Variants in CELSR1 observed in about 807,000 individuals in gnomAD.
The protein encoded by CELSR1 is adhesion G protein-coupled receptor C1.
A neutral mutation model predicts 249.1 loss-of-function variants in CELSR1; 110 were observed. The ratio of observed to expected loss-of-function variants is 0.44; its 90% CI spans 0.38 to 0.52. The LOEUF (loss-of-function observed/expected upper bound fraction) is 0.52, where lower values mean the gene tolerates loss of function less well. Among genes scored for constraint, CELSR1 ranks in the 20% least tolerant of loss-of-function variants. The pLI is 0.00. For missense variants in CELSR1, 4,109 were observed against 4,296.4 expected, an observed-to-expected ratio of 0.96 and a Z score of 1.22; for synonymous variants, 2,113 against 1,900.0, an observed-to-expected ratio of 1.11 and a Z score of -2.92.
intron 1 of CELSR1, among the ~76,000 whole-genome samples, chr22:46,504,414 C>T (rs111655615): frequency 0.017 from 2,562 of 149,688 alleles, 78 homozygotes; most frequent in African/African-American, 0.061. Flanking sequence ...CTTGGGAGGC[C>T]GAGGCAGGAG....
intron 1 of CELSR1, among the ~76,000 whole-genome samples, chr22:46,528,368 G>A (rs898717686): frequency 6.6e-6 from 1 of 152,158 alleles, no homozygotes; most frequent in South Asian, 2.1e-4. Context: ...CCGAGTTTCA[G>A]TATTTTCTGA....
intron 13 of CELSR1, 60 bp from the exon 14 acceptor site, chr22:46,394,322 A>G: frequency 6.4e-7 from 1 of 1,564,638 alleles, no homozygotes; most frequent in Non-Finnish European, 8.6e-7. Context: ...CTGGAATGAG[A>G]AGAGGCCTGC....
In CELSR1 at chr22:46,364,123, C is replaced by T. The variant is rs1423188178; in HGVS notation, c.8908G>A (p.Gly2970Ser). The change falls in exon 34 of 35, where the codon GGC becomes AGC. Residue 2970 changes from glycine (G) to serine (S), a missense_variant. By Grantham distance (56) the Gly-to-Ser change is moderately conservative (BLOSUM62 0). This residue lies in a region of CELSR1 where 1,805 missense variants were observed against 1,831.6 expected (regional missense o/e 0.99). Transcript: ENST00000674500. Reference protein sequence around the residue: ...SPTSSRTSSLGSGGPDCAITV... With the variant: ...SPTSSRTSSLSSGGPDCAITV... Reference sequence around the variant, plus strand: ...ATGGCGCAGTCGGGGCCGCCAGAGCCCAGGGAAGACGTGCGCGAGGATGTG... The same window carrying T: ...ATGGCGCAGTCGGGGCCGCCAGAGCTCAGGGAAGACGTGCGCGAGGATGTG... The T allele has an allele frequency of 6.2e-7, 1 of 1,612,198 alleles. No individual in the cohort carries two copies. The highest frequency in any genetic ancestry group is 8.5e-7 in the Non-Finnish European group (1 of 1,179,702).
chr22:46,442,045 G>A (rs1040889495), intron 2 of CELSR1, among the ~76,000 whole-genome samples: 3 of 152,214 alleles, frequency 2.0e-5, no homozygotes, highest in Admixed American at 1.3e-4. Context: ...CTACTCGGGA[G>A]GCTGAGGCAG....
chr22:46,403,335 T>A (rs924846022), intron 9 of CELSR1, among the ~76,000 whole-genome samples: 1 of 148,742 alleles, frequency 6.7e-6, no homozygotes, highest in East Asian at 2.0e-4. Flanking sequence ...GATCACAAGG[T>A]CAGGAGATCG....
In CELSR1 at chr22:46,377,023, C is replaced by T. The variant is rs777693550; in HGVS notation, c.7584+38G>A. The T allele has an allele frequency of 1.1e-5, 17 of 1,601,900 alleles. No homozygotes were observed. The East Asian group carries it at 2.2e-4, about 21-fold the overall frequency. ...GGACTATGGTAGCTGCTCCAAGCTG[C>T]GGCCCAGACAGTGGGGAGGGGAGCA... On this transcript the variant is annotated intron_variant, in intron 24 of 34. Transcript: ENST00000674500.
chr22:46,528,108 A>G (rs1326709904), intron 1 of CELSR1, among the ~76,000 whole-genome samples: 1 of 151,850 alleles, frequency 6.6e-6, no homozygotes, highest in African/African-American at 2.4e-5. Flanking sequence ...CTCAAAAAAA[A>G]AAAAAAAAAG....
intron 18 of CELSR1, among the ~76,000 whole-genome samples, chr22:46,388,513 T>A (rs1386153903): frequency 7.0e-6 from 1 of 142,316 alleles, no homozygotes; most frequent in African/African-American, 2.5e-5. Flanking sequence ...GAAGGTTCCA[T>A]GGGGGCCCTG....
chr22:46,401,077 G>A lies in CELSR1; in HGVS notation c.5227-1175C>T, dbSNP rs1482520939. On this transcript the variant is annotated intron_variant, in intron 9 of 34. Transcript: ENST00000674500. This position sits in a 1 kb window ranked among gnomAD's most constrained non-coding sequence, Gnocchi z 4.7. Reference sequence around the variant, plus strand: ...TTCATGGAGGTCAAGTAAGGGAAGCGCCAAGAACAAGCCCCATTAGGCTTT... The same window carrying A: ...TTCATGGAGGTCAAGTAAGGGAAGCACCAAGAACAAGCCCCATTAGGCTTT... Among the ~76,000 whole-genome samples the A allele has an allele frequency of 2.0e-5, 3 of 152,072 alleles. No homozygotes were observed. Among genetic ancestry groups the A allele is most frequent in the Admixed American group, 6.5e-5 (1 of 15,268 alleles).
intron 5 of CELSR1, among the ~76,000 whole-genome samples, chr22:46,426,960 G>A (rs966741864): frequency 2.0e-5 from 3 of 152,238 alleles, no homozygotes; most frequent in Non-Finnish European, 4.4e-5. Flanking sequence ...CAGGCAGCAC[G>A]AATGGGCTGG....
intron 2 of CELSR1, among the ~76,000 whole-genome samples, chr22:46,449,658 A>G (rs2079860102): frequency 6.6e-6 from 1 of 152,214 alleles, no homozygotes; most frequent in Non-Finnish European, 1.5e-5. Flanking sequence ...ATCTAGGTAA[A>G]AAAATGTCAG....
chr22:46,490,459 G>A lies in CELSR1; in HGVS notation c.3545-26114C>T, dbSNP rs745646052. On this transcript the variant is annotated intron_variant, in intron 1 of 34. Coordinates refer to ENST00000674500, the MANE Select transcript of CELSR1 (RefSeq NM_001378328.1). This position sits in a 1 kb window ranked among gnomAD's most constrained non-coding sequence, Gnocchi z 5.2. ...CCACCATCTCGTCTGGCTAATTTTT[G>A]TATTTTTAGTAGAGACGGGGTTTCA... 6.6e-6 allele frequency among the ~76,000 whole-genome samples: 1 copy of A among 151,986 alleles called. No individual in the cohort carries two copies. The highest frequency in any genetic ancestry group is 1.5e-5 in the Non-Finnish European group (1 of 68,006).
rs2079358206 is a variant in CELSR1 at position 46,413,157 on chromosome 22, T to C, written c.4612-1398A>G. On this transcript the variant is annotated intron_variant, in intron 5 of 34. Coordinates refer to ENST00000674500, the MANE Select transcript of CELSR1 (RefSeq NM_001378328.1). This position sits in a 1 kb window ranked among gnomAD's most constrained non-coding sequence, Gnocchi z 4.7. ...AACGTAGAATTTAATTAAATCATCC[T>C]CAGTGCCTTTTAATAGGAAAATAAC... is the stretch of plus-strand genomic sequence containing the variant. Among the ~76,000 whole-genome samples, 1 of 152,250 alleles carries C rather than the reference T, an allele frequency of 6.6e-6. No individual in the cohort carries two copies. The highest frequency in any genetic ancestry group is 6.5e-5 in the Admixed American group (1 of 15,282).
In CELSR1 at chr22:46,525,975, G is replaced by A. The variant is rs1246162559; in HGVS notation, c.3544+7652C>T. On this transcript the variant is annotated intron_variant, in intron 1 of 34. Transcript: ENST00000674500. The stretch of plus-strand genomic sequence containing the variant: ...TGCCCAGGGCTTTGGGAACTTGCCC[G>A]GAGTTTCACCTGCCTGCTACTTCAC... Among the ~76,000 whole-genome samples the A allele has an allele frequency of 9.9e-5, 15 of 152,224 alleles. No homozygotes were observed. In the South Asian group the frequency reaches 2.7e-3, roughly 27 times the overall value.
Position 46,377,077 on chromosome 22 carries a change from T to C in CELSR1, c.7568A>G (p.Asn2523Ser). The C allele has an allele frequency of 6.2e-7, 1 of 1,613,182 alleles. No homozygotes were observed. Among genetic ancestry groups the C allele is most frequent in the East Asian group, 2.2e-5 (1 of 44,876 alleles). ...TGGCCATACCGGGTTTTCCGTCTGG[T>C]TGATCCCAATCACGAACACCAGCTG... ...LSQLVFVIGI[N>S]QTENPFLCTV... The change falls in exon 24 of 35, where the codon AAC (asparagine) becomes AGC (serine). Residue 2523 changes from asparagine to serine, a missense_variant. Physicochemically the swap from Asn to Ser is conservative, Grantham distance 46. Coordinates refer to ENST00000674500, the MANE Select transcript of CELSR1 (RefSeq NM_001378328.1).
chr22:46,466,736 C>T (rs1357887493), intron 1 of CELSR1, among the ~76,000 whole-genome samples: 2 of 152,196 alleles, frequency 1.3e-5, no homozygotes, highest in South Asian at 2.1e-4. Context: ...CCTCACTGCC[C>T]GGCATATAAG....
At chr22:46,368,795 G>T (rs1302131636) in intron 27 of CELSR1, among the ~76,000 whole-genome samples, 1 of 151,864 alleles carries the variant, frequency 6.6e-6, no homozygotes, top group Non-Finnish European at 1.5e-5. Flanking sequence ...GGGTGGGGGG[G>T]TCTCCTCCCC....
In CELSR1 at chr22:46,463,831, G is replaced by A. The variant is rs187482830; in HGVS notation, c.4059C>T (p.Pro1353=). The A allele has an allele frequency of 3.9e-5, 63 of 1,611,872 alleles. No individual in the cohort carries two copies. In the East Asian group the frequency reaches 6.0e-4, roughly 15 times the overall value. ...PINGLRCRCP[P]GFTGDYCETE... is the part of the protein sequence containing the mutation. ...TCTCGCAGTAGTCGCCGGTGAAGCC[G>A]GGCGGGCAGCGGCAGCGCAGGCCGT... The change falls in exon 2 of 35, where the codon CCC becomes CCT. Residue 1353 remains proline (P), a synonymous_variant. Transcript: ENST00000674500.
intron 2 of CELSR1, among the ~76,000 whole-genome samples, chr22:46,460,198 CACACACA>C (rs1569179800): frequency 8.6e-5 from 10 of 116,354 alleles, no homozygotes; most frequent in African/African-American, 3.3e-4. Flanking sequence ...CACACACACA[CACACACA>C]CACACACACA....
Sources: gnomAD v4.1 joint callset for allele counts (sites outside exome capture counted in the v4.1 genomes callset) on GRCh38, gnomAD v4.1.1 for gene constraint, gnomAD v4.1.1 regional missense constraint, Gnocchi (gnomAD v3.1) non-coding constraint, MANE v1.5 for transcripts, NCBI Gene and HGNC (gene_info 2026-07-23, HGNC 2026-07-21) for gene names.